ZNF814: variants seen among roughly 807,000 people sequenced by gnomAD.
The protein encoded by ZNF814 is zinc finger protein 814.
Under a neutral mutation model 7.5 loss-of-function variants are expected in ZNF814, and 5 were observed. The ratio of observed to expected loss-of-function variants is 0.67; its 90% confidence interval spans 0.35 to 1.40. The LOEUF is 1.40. Among genes scored for constraint, ZNF814 ranks in the 40% most tolerant of loss-of-function variants. The pLI, the probability that ZNF814 is intolerant of heterozygous loss-of-function variation, is 0.04. For synonymous variants in ZNF814, 315 were observed against 340.7 expected, an observed-to-expected ratio of 0.92 and a Z score of 0.83; for missense variants, 962 against 1,018.0, an observed-to-expected ratio of 0.94 and a Z score of 0.75.
chr19:57,874,479 G>C lies in ZNF814; in HGVS notation c.911C>G (p.Ser304Cys). The C allele has an allele frequency of 1.7e-6, 1 of 580,966 alleles. No individual in the cohort carries two copies. The highest frequency in any genetic ancestry group is 2.8e-6 in the Non-Finnish European group (1 of 363,492). The allele number at this position is 580,966 out of a possible 1,614,324, so 36.0% of individuals were successfully genotyped here. The change falls in exon 3 of 3, where the codon TCC becomes TGC. Residue 304 changes from serine to cysteine, a missense_variant. By Grantham distance (112) the Ser-to-Cys change is moderately radical. Coordinates refer to ENST00000435989, the MANE Select transcript of ZNF814 (RefSeq NM_001144989.2). ...ACTGAAGCTAACATATTTGCTAAAG[G>C]ATTTCCCACATTCTCCACATTCATG... is the stretch of plus-strand genomic sequence containing the variant. ...KKHECGECGK[S>C]FSKYVSFSNH... is the part of the protein sequence containing the mutation.
chr19:57,872,682 T>C lies in ZNF814; in HGVS notation c.*140A>G. 2 of 1,587,962 alleles carry C rather than the reference T, an allele frequency of 1.3e-6. No individual in the cohort carries two copies. Among genetic ancestry groups the C allele is most frequent in the South Asian group, 2.3e-5 (2 of 87,930 alleles). ...AAGGTGGTGTGACCAGTGTGAACTC[T>C]CTTATGAACACAGAATGCAGAGCTG... On this transcript the variant is annotated 3_prime_UTR_variant, in exon 3 of 3. Transcript: ENST00000435989.
intron 2 of ZNF814, among the ~76,000 whole-genome samples, chr19:57,875,943 C>CTTTTTTTTTTTT (rs567660556): frequency 2.7e-4 from 19 of 71,436 alleles, no homozygotes; most frequent in East Asian, 4.0e-4. Context: ...CAGGGTGCCG[C>CTTTTTTTTTTTT]TTTTTTTTTT....
the ZNF814 span, among the ~76,000 whole-genome samples, chr19:57,901,383 C>T: frequency 0.055 from 8,329 of 152,108 alleles, 789 homozygotes; most frequent in African/African-American, 0.19. Context: ...CTTAACAGGA[C>T]AAAAGGAAAA....
At chr19:57,889,646 C>T (rs180810504), upstream of ZNF814, among the ~76,000 whole-genome samples, 4 of 152,286 alleles carry the variant, frequency 2.6e-5, no homozygotes, top group East Asian at 5.8e-4. Context: ...AGGTGGAACA[C>T]CTGAGGTCAG....
upstream of ZNF814, among the ~76,000 whole-genome samples, chr19:57,891,900 C>T (rs1290768438): frequency 2.0e-5 from 3 of 152,060 alleles, no homozygotes; most frequent in East Asian, 1.9e-4. Flanking sequence ...ACTACAGGTG[C>T]GCACCACTAT....
chr19:57,879,855 G>T (rs897322433), intron 1 of ZNF814, among the ~76,000 whole-genome samples: 3 of 125,024 alleles, frequency 2.4e-5, no homozygotes, highest in African/African-American at 9.3e-5. Flanking sequence ...ACTTTGGAAG[G>T]CTGAGGTGGG....
chr19:57,884,027 G>A (rs868377424), intron 1 of ZNF814, among the ~76,000 whole-genome samples: 34 of 152,268 alleles, frequency 2.2e-4, no homozygotes, highest in Middle Eastern at 3.4e-3. Context: ...AAAGTGCTGG[G>A]ATTATAGGCG....
chr19:57,901,519 G>A, the ZNF814 span: 2 of 397,848 alleles, frequency 5.0e-6, no homozygotes, highest in Admixed American at 4.4e-5. Context: ...GTGCCTCTGT[G>A]GGTGCCCACC....
At chr19:57,895,460 G>C in the ZNF814 span, among the ~76,000 whole-genome samples, 4 of 151,824 alleles carry the variant, frequency 2.6e-5, no homozygotes, top group Non-Finnish European at 4.4e-5. Context: ...ATTTTTAGTA[G>C]AGATGGGTTT....
intron 1 of ZNF814, chr19:57,885,760 A>G (rs1022080025): frequency 9.9e-5 from 15 of 152,276 alleles, no homozygotes; most frequent in African/African-American, 3.6e-4. Flanking sequence ...ACTACAGTAA[A>G]AACAACCTAA....
Position 57,870,585 on chromosome 19 carries a change from G to A in ZNF814, c.*2237C>T, listed in dbSNP as rs1223330410. On this transcript the variant is annotated 3_prime_UTR_variant, in exon 3 of 3. Transcript: ENST00000435989. The stretch of plus-strand genomic sequence containing the variant: ...CCTTTAGATTATTTCCTCTGACAAT[G>A]GCCTCAACAATACAATATTCATCAT... 3.9e-5 allele frequency: 6 copies of A among 152,176 alleles called. No homozygotes were observed. 9.4% of individuals were successfully genotyped at this position (152,176 alleles called of 1,614,324 possible). A position where few individuals can be genotyped will look rare whatever the true frequency, so the allele number is the denominator to read the frequency against.
Position 57,869,873 on chromosome 19 carries a change from AG to A in ZNF814, c.*2948del, listed in dbSNP as rs1225178880. The A allele has an allele frequency of 6.7e-6, 1 of 149,078 alleles. No homozygotes were observed. The highest frequency in any genetic ancestry group is 2.5e-5 in the African/African-American group (1 of 40,284). The allele number at this position is 149,078 out of a possible 1,614,324, so 9.2% of individuals were successfully genotyped here. A position where few individuals can be genotyped will look rare whatever the true frequency, so the allele number is the denominator to read the frequency against. ...GCCAGGAGAATTGCTTGAACCTAGG[AG>A]GTAGAGGTTGCAATGAGCCAAGGTC... On this transcript the variant is annotated 3_prime_UTR_variant, in exon 3 of 3. Coordinates refer to ENST00000435989, the MANE Select transcript of ZNF814 (RefSeq NM_001144989.2).
upstream of ZNF814, among the ~76,000 whole-genome samples, chr19:57,892,467 A>G (rs887824274): frequency 6.6e-6 from 1 of 152,220 alleles, no homozygotes; most frequent in Non-Finnish European, 1.5e-5. Flanking sequence ...AGATTAGATT[A>G]CTTCCTAAGA....
rs779741572 is a variant in ZNF814, at chr19:57,873,453, T to C, written c.1937A>G (p.His646Arg). 8.7e-6 allele frequency: 14 copies of C among 1,613,790 alleles called. No individual in the cohort carries two copies. The highest frequency in any genetic ancestry group is 1.1e-5 in the Non-Finnish European group (13 of 1,179,950). The stretch of plus-strand genomic sequence containing the variant: ...GTGAACTCGCTGATGATTCCTAAGG[T>C]GTCCTTTTTCATTAAAAGATTTCCC... ...DCGKSFNEKG[H>R]LRNHQRVHTT... Residue 646 changes from histidine to arginine, a missense_variant, in exon 3 of 3, where the codon CAC (histidine) becomes CGC (arginine). Around this residue, in one of 7 missense-constraint regions of ZNF814, gnomAD observed 665 missense variants for 551.4 expected, o/e 1.21. Transcript: ENST00000435989.
the ZNF814 span, chr19:57,901,600 C>A: frequency 2.5e-6 from 1 of 398,590 alleles, no homozygotes; most frequent in South Asian, 1.3e-4. Flanking sequence ...ACTCCCTATA[C>A]GAGTGATGGC....
At chr19:57,896,666 C>T in the ZNF814 span, among the ~76,000 whole-genome samples, 1 of 152,162 alleles carries the variant, frequency 6.6e-6, no homozygotes, top group Non-Finnish European at 1.5e-5. This position sits in a 1 kb window ranked among gnomAD's most constrained non-coding sequence, Gnocchi z 4.2. Flanking sequence ...AGTTGGGCCA[C>T]ATTTTCTTTT....
rs763633823 is a variant in ZNF814 at position 57,873,303 on chromosome 19, A to C, written c.2087T>G (p.Leu696Ter). 58 of 1,589,098 alleles carry C rather than the reference A, an allele frequency of 3.6e-5. No homozygotes were observed. Among genetic ancestry groups the C allele is most frequent in the Non-Finnish European group, 4.9e-5 (57 of 1,167,172 alleles). ...AAGGAGGTGAGACTTCTTCTTAAATAATTTTCCACATTCCCTACATACATA... is the reference window on the plus strand; with the variant it reads ...AAGGAGGTGAGACTTCTTCTTAAATCATTTTCCACATTCCCTACATACATA... Reference protein sequence around the residue: ...RPYVCRECGKLFKKKSHLLVH... With the variant: ...RPYVCRECGK Residue 696 changes from leucine (L) to a stop codon, truncating the protein, a stop_gained, in exon 3 of 3, where the codon TTA (leucine) becomes TGA (stop). Coordinates refer to ENST00000435989, the MANE Select transcript of ZNF814 (RefSeq NM_001144989.2). LOFTEE classifies it low-confidence loss of function (END_TRUNC).
chr19:57,903,228 T>C, the ZNF814 span, among the ~76,000 whole-genome samples: 3 of 152,228 alleles, frequency 2.0e-5, no homozygotes, highest in East Asian at 5.8e-4. Context: ...TTTGCTATAA[T>C]TGGCCTCACT....
chr19:57,892,998 G>GT (rs1001103758), upstream of ZNF814, among the ~76,000 whole-genome samples: 1 of 152,110 alleles, frequency 6.6e-6, no homozygotes, highest in African/African-American at 2.4e-5. Flanking sequence ...TTTGTCACAC[G>GT]TATTTTGCTC....
Sources: gnomAD v4.1 joint callset for allele counts (sites outside exome capture counted in the v4.1 genomes callset) on GRCh38, gnomAD v4.1.1 for gene constraint, gnomAD v4.1.1 regional missense constraint, Gnocchi (gnomAD v3.1) non-coding constraint, MANE v1.5 for transcripts, NCBI Gene and HGNC (gene_info 2026-07-23, HGNC 2026-07-21) for gene names.